Variants in SMYD3 observed in about 807,000 individuals in gnomAD.
The protein encoded by SMYD3 is histone-lysine N-methyltransferase SMYD3.
In SMYD3, 36 loss-of-function variants were observed where a neutral mutation model predicts 57.7. The observed-to-expected ratio is 0.62, with a 90% CI of 0.48 to 0.82. The LOEUF (loss-of-function observed/expected upper bound fraction) is 0.82. Ranked by LOEUF, SMYD3 falls within the 40% of genes least tolerant of loss-of-function variation. The pLI, the probability that SMYD3 is intolerant of heterozygous loss-of-function variation, is 0.00. For missense variants in SMYD3, 515 were observed against 538.8 expected, an observed-to-expected ratio of 0.96 and a Z score of 0.44; for synonymous variants, 211 against 195.0, an observed-to-expected ratio of 1.08 and a Z score of -0.68.
At chr1:245,837,103 G>C (rs2050140691) in intron 10 of SMYD3, among the ~76,000 whole-genome samples, 1 of 152,122 alleles carries the variant, frequency 6.6e-6, no homozygotes, top group African/African-American at 2.4e-5. Flanking sequence ...TGAGTGGACA[G>C]ATCACCTGAG....
At chr1:246,449,917 TA>T (rs1400104563) in intron 1 of SMYD3, among the ~76,000 whole-genome samples, 1 of 152,166 alleles carries the variant, frequency 6.6e-6, no homozygotes, top group African/African-American at 2.4e-5. Flanking sequence ...CTTTAGAAAC[TA>T]AAAGATGAGT....
At chr1:245,851,541 A>G (rs2050977562) in intron 10 of SMYD3, among the ~76,000 whole-genome samples, 1 of 152,166 alleles carries the variant, frequency 6.6e-6, no homozygotes, top group Non-Finnish European at 1.5e-5. Flanking sequence ...CTTCTTGCAT[A>G]CAAATAAGAT....
chr1:246,326,399 GT>G, intron 5 of SMYD3: 1 of 641,718 alleles, frequency 1.6e-6, no homozygotes, highest in Admixed American at 2.5e-5. Flanking sequence ...CTATGGGCTA[GT>G]GAAGAAAAAA....
At chr1:246,051,864 G>A (rs1272678698) in intron 5 of SMYD3, among the ~76,000 whole-genome samples, 1 of 152,056 alleles carries the variant, frequency 6.6e-6, no homozygotes, top group African/African-American at 2.4e-5. Context: ...GAGCAAAATT[G>A]GAAGCAAGAG....
At chr1:246,100,207 C>T (rs980204875) in intron 5 of SMYD3, among the ~76,000 whole-genome samples, 22 of 151,988 alleles carry the variant, frequency 1.4e-4, no homozygotes, top group Admixed American at 4.6e-4. Flanking sequence ...AAGACTTCAA[C>T]GCATTAAAAC....
At chr1:246,395,519 G>A (rs949817691) in intron 1 of SMYD3, among the ~76,000 whole-genome samples, 1 of 152,100 alleles carries the variant, frequency 6.6e-6, no homozygotes, top group Non-Finnish European at 1.5e-5. Context: ...TGGCTGTTAC[G>A]TGCCTCTCAC....
intron 5 of SMYD3, among the ~76,000 whole-genome samples, chr1:246,137,756 C>T (rs1402994220): frequency 6.6e-6 from 1 of 152,136 alleles, no homozygotes; most frequent in Non-Finnish European, 1.5e-5. Flanking sequence ...CTCTGCAAGT[C>T]CCTGGGCGGA....
intron 5 of SMYD3, among the ~76,000 whole-genome samples, chr1:246,079,901 C>T (rs1027557464): frequency 2.0e-5 from 3 of 152,090 alleles, no homozygotes; most frequent in Admixed American, 6.6e-5. Flanking sequence ...TAATAACTCA[C>T]GATAGAGCAG....
intron 8 of SMYD3, among the ~76,000 whole-genome samples, chr1:245,906,178 G>A (rs2054550886): frequency 6.6e-6 from 1 of 152,152 alleles, no homozygotes; most frequent in Non-Finnish European, 1.5e-5. Context: ...CTGCATAGCA[G>A]AGGAAACAAT....
At chr1:246,190,391 T>C (rs1183094903) in intron 5 of SMYD3, among the ~76,000 whole-genome samples, 16 of 151,894 alleles carry the variant, frequency 1.1e-4, no homozygotes, top group African/African-American at 7.3e-5. Context: ...TCGAGACCAG[T>C]CTGGCCAATA....
chr1:246,061,456 C>T (rs1023095918), intron 5 of SMYD3, among the ~76,000 whole-genome samples: 9 of 151,736 alleles, frequency 5.9e-5, no homozygotes, highest in African/African-American at 2.2e-4. Context: ...CACAGAGACT[C>T]GTGCCTATAA....
rs1342078986 is a variant in SMYD3 at position 246,129,000 on chromosome 1, G to A, written c.531+198201C>T. On this transcript the variant is annotated intron_variant, in intron 5 of 11. Transcript: ENST00000490107. The stretch of plus-strand genomic sequence containing the variant: ...TTTGTATTTTTCGGGGTTTTGCCAT[G>A]TTACTCAAGCTAGTCTCGAACTCCA... Among the ~76,000 whole-genome samples the A allele has an allele frequency of 6.6e-5, 10 of 151,982 alleles. No homozygotes were observed. The East Asian group carries it at 1.9e-3, about 29-fold the overall frequency.
intron 1 of SMYD3, among the ~76,000 whole-genome samples, chr1:246,367,705 T>G (rs1461858076): frequency 6.6e-6 from 1 of 152,190 alleles, no homozygotes; most frequent in African/African-American, 2.4e-5. Flanking sequence ...GTGCTGAGAT[T>G]ACAGGCGTGA....
intron 5 of SMYD3, among the ~76,000 whole-genome samples, chr1:246,137,055 G>A (rs934156467): frequency 7.9e-5 from 12 of 152,166 alleles, no homozygotes; most frequent in Non-Finnish European, 1.5e-4. Context: ...CAATTGGGTT[G>A]TTGTTTTTCT....
intron 8 of SMYD3, among the ~76,000 whole-genome samples, chr1:245,900,788 C>T (rs1339965468): frequency 1.3e-5 from 2 of 152,188 alleles, no homozygotes; most frequent in Non-Finnish European, 2.9e-5. Flanking sequence ...ATATTCATGG[C>T]ACCTAAGAGG....
At chr1:246,219,253 A>C (rs926001191) in intron 5 of SMYD3, among the ~76,000 whole-genome samples, 1 of 151,990 alleles carries the variant, frequency 6.6e-6, no homozygotes, top group Non-Finnish European at 1.5e-5. Flanking sequence ...CCCTGTGCCT[A>C]TAAAAACCCC....
chr1:245,763,335 C>T (rs375603635), intron 11 of SMYD3, among the ~76,000 whole-genome samples: 3 of 152,188 alleles, frequency 2.0e-5, no homozygotes, highest in East Asian at 1.9e-4. Context: ...GGGTGGTCAT[C>T]GGGTATGCCT....
chr1:246,073,642 C>T (rs563976813), intron 5 of SMYD3, among the ~76,000 whole-genome samples: 3 of 152,058 alleles, frequency 2.0e-5, no homozygotes, highest in South Asian at 2.1e-4. Context: ...GCTGGAGACC[C>T]GGAGGCAGAG....
intron 3 of SMYD3, among the ~76,000 whole-genome samples, chr1:246,333,490 G>T (rs1432472196): frequency 6.6e-6 from 1 of 152,088 alleles, no homozygotes; most frequent in South Asian, 2.1e-4. Flanking sequence ...GAAAATATTC[G>T]CAAACTATGC....
Sources: allele counts gnomAD v4.1 joint callset (sites outside exome capture counted in the v4.1 genomes callset), GRCh38; gene constraint gnomAD v4.1.1; transcripts MANE v1.5; gene names NCBI Gene and HGNC (gene_info 2026-07-23, HGNC 2026-07-21).